The following LRSAM1 variants were observed in gnomAD, a reference collection of about 807,000 sequenced individuals.
The protein encoded by LRSAM1 is E3 ubiquitin-protein ligase LRSAM1.
In LRSAM1, 96 loss-of-function variants were observed where a neutral mutation model predicts 118.1. That is an observed-to-expected ratio of 0.81 (90% CI 0.69 to 0.96). LRSAM1 has a LOEUF of 0.96. Ranked by LOEUF, LRSAM1 falls within the 40% of genes least tolerant of loss-of-function variation. The pLI is 0.00. For synonymous variants in LRSAM1, 322 were observed against 364.2 expected (o/e 0.88, Z 1.32); for missense variants, 804 against 915.5 (o/e 0.88, Z 1.57).
intron 25 of LRSAM1, among the ~76,000 whole-genome samples, chr9:127,502,284 G>T (rs1423425280): frequency 6.6e-6 from 1 of 152,192 alleles, no homozygotes; most frequent in Non-Finnish European, 1.5e-5. Context: ...ACAGCAAACT[G>T]CTAACAGAAG....
intron 4 of LRSAM1, 51 bp from the exon 5 acceptor site, chr9:127,455,525 G>A (rs375537151): frequency 4.3e-5 from 69 of 1,589,780 alleles, no homozygotes; most frequent in Non-Finnish European, 5.7e-5. Context: ...CAGAGAACAA[G>A]CTAAAAACTG....
At position 127,487,715 on chromosome 9, in the gene LRSAM1, G is replaced by C; in HGVS notation, c.1299G>C (p.Ser433=). 6.2e-7 allele frequency: 1 copy of C among 1,613,770 alleles called. No homozygotes were observed. Among genetic ancestry groups the C allele is most frequent in the Non-Finnish European group, 8.5e-7 (1 of 1,179,900 alleles). Residue 433 remains serine, a synonymous_variant, in exon 18 of 26, where the codon TCG becomes TCC. Transcript: ENST00000300417. ...EMDERFQQIL[S]WQQMDQNKAI... is the part of the protein sequence containing the mutation. The stretch of plus-strand genomic sequence containing the variant: ...ATGAACGATTCCAGCAGATTCTGTC[G>C]TGGCAGCAAATGGATCAGAACAAAG...
intron 10 of LRSAM1, among the ~76,000 whole-genome samples, chr9:127,469,949 A>G (rs1835106973): frequency 6.6e-6 from 1 of 152,182 alleles, no homozygotes; most frequent in Non-Finnish European, 1.5e-5. Flanking sequence ...TGGGATACAG[A>G]GCAAGACTCC....
rs143976910 is a variant in LRSAM1 at position 127,483,564 on chromosome 9, G to C, written c.1159+544G>C. 2.2e-3 allele frequency among the ~76,000 whole-genome samples: 333 copies of C among 152,286 alleles called. 4 individuals carry two copies. Among genetic ancestry groups the C allele is most frequent in the East Asian group, 3.7e-3 (19 of 5,188 alleles). ...TAGCATCCCATTAGCATGTTATCAG[G>C]GGGAGTGTTCATAAAAATGGGAAGT... is the stretch of plus-strand genomic sequence containing the variant. On this transcript the variant is annotated intron_variant, in intron 16 of 25. Transcript: ENST00000300417.
chr9:127,486,302 G>T, intron 17 of LRSAM1: 1 of 208,032 alleles, frequency 4.8e-6, no homozygotes, highest in Non-Finnish European at 9.8e-6. Flanking sequence ...CACGGTTGGG[G>T]GTGGGATGCC....
intron 2 of LRSAM1, among the ~76,000 whole-genome samples, chr9:127,453,032 C>T (rs1834381674): frequency 6.6e-6 from 1 of 152,224 alleles, no homozygotes; most frequent in South Asian, 2.1e-4. Flanking sequence ...CCAGGCTGTA[C>T]AGCCAGGCCA....
chr9:127,482,278 G>T (rs1835570740), intron 15 of LRSAM1, among the ~76,000 whole-genome samples: 2 of 151,860 alleles, frequency 1.3e-5, no homozygotes. Flanking sequence ...GAGTAGCTGG[G>T]ATTATAGGCG....
chr9:127,477,380 T>TATATA (rs1250885905), intron 11 of LRSAM1, among the ~76,000 whole-genome samples: 1 of 152,244 alleles, frequency 6.6e-6, no homozygotes, highest in Non-Finnish European at 1.5e-5. Flanking sequence ...AAATCCTATT[T>TATATA]ATAGGTTGCT....
At position 127,472,466 on chromosome 9, in the gene LRSAM1, A is replaced by G. The variant is rs567462703; in HGVS notation, c.620-1335A>G. Among the ~76,000 whole-genome samples the G allele has an allele frequency of 7.9e-5, 12 of 151,618 alleles. No individual in the cohort carries two copies. In the South Asian group the frequency reaches 2.5e-3, roughly 32 times the overall value. ...AGACCACCTTTACCAACATGCGGAA[A>G]CCCTGTCTCTACTAAAAATACAAAA... On this transcript the variant is annotated intron_variant, in intron 10 of 25. Transcript: ENST00000300417.
At chr9:127,452,237 A>G (rs1020842521) in intron 2 of LRSAM1, 153 bp downstream of exon 2, 4 of 152,330 alleles carry the variant, frequency 2.6e-5, no homozygotes, top group Non-Finnish European at 5.9e-5. Flanking sequence ...GGTTGGGAGG[A>G]AGTGGGGAGG....
chr9:127,455,588 G>A lies in LRSAM1; in HGVS notation c.142G>A (p.Ala48Thr). Residue 48 changes from alanine (A) to threonine (T), a missense_variant, in exon 5 of 26, where the codon GCT becomes ACT. Coordinates refer to ENST00000300417, the MANE Select transcript of LRSAM1 (RefSeq NM_001005373.4). ...TATCTTATCTTAGATTCCATTTGGA[G>A]CTTTTGCAACATGCAAAGTTCTGCA... ...KCELSEIPFG[A>T]FATCKVLQKK... 6.2e-7 allele frequency: 1 copy of A among 1,613,992 alleles called. No homozygotes were observed. The highest frequency in any genetic ancestry group is 8.5e-7 in the Non-Finnish European group (1 of 1,180,026).
chr9:127,467,955 C>T (rs1835023739), intron 10 of LRSAM1, 125 bp downstream of exon 10: 11 of 907,242 alleles, frequency 1.2e-5, no homozygotes, highest in East Asian at 2.7e-5. Flanking sequence ...GCTTGGAGTT[C>T]GAGGTCTGGC....
At position 127,473,857 on chromosome 9, in the gene LRSAM1, G is replaced by A. The variant is rs1419447675; in HGVS notation, c.676G>A (p.Asp226Asn). 1.2e-6 allele frequency: 2 copies of A among 1,614,254 alleles called. No homozygotes were observed. Among genetic ancestry groups the A allele is most frequent in the Non-Finnish European group, 1.7e-6 (2 of 1,180,048 alleles). The change falls in exon 11 of 26, where the codon GAT becomes AAT. Residue 226 changes from aspartate (D) to asparagine (N), a missense_variant. Coordinates refer to ENST00000300417, the MANE Select transcript of LRSAM1 (RefSeq NM_001005373.4). ...GTACTTGCTGCCAATTCTGGAGCAA[G>A]ATGGAATCGAGAACTCTCGGGACAG... ...SQYLLPILEQ[D>N]GIENSRDSPD... is the part of the protein sequence containing the mutation.
intron 4 of LRSAM1, among the ~76,000 whole-genome samples, chr9:127,455,359 GC>G (rs1339860596): frequency 2.8e-5 from 4 of 141,688 alleles, no homozygotes; most frequent in Admixed American, 6.9e-5. Flanking sequence ...GGTGGGTGGG[GC>G]AGGGCAGTCT....
chr9:127,481,370 A>G, intron 15 of LRSAM1, 143 bp downstream of exon 15: 1 of 803,774 alleles, frequency 1.2e-6, no homozygotes, highest in Non-Finnish European at 2.0e-6. Context: ...CCCCTGCCTC[A>G]GCCTCCCGAG....
At chr9:127,454,387 C>T in intron 2 of LRSAM1, 109 bp from the exon 3 acceptor site, 1 of 838,328 alleles carries the variant, frequency 1.2e-6, no homozygotes, top group South Asian at 1.4e-5. Flanking sequence ...CTCCATGGAA[C>T]TCATGGTCCA....
intron 24 of LRSAM1, among the ~76,000 whole-genome samples, chr9:127,500,019 C>T (rs1321182541): frequency 2.0e-5 from 3 of 151,574 alleles, no homozygotes; most frequent in Non-Finnish European, 4.4e-5. Context: ...AGGAAGGGAA[C>T]GAGGGATAGA....
At chr9:127,474,304 A>G (rs969012852) in intron 11 of LRSAM1, among the ~76,000 whole-genome samples, 1 of 144,118 alleles carries the variant, frequency 6.9e-6, no homozygotes, top group South Asian at 2.2e-4. Context: ...GTCTTGCTCC[A>G]TCACCCAGGC....
At chr9:127,500,491 T>C (rs1836344355) in intron 24 of LRSAM1, among the ~76,000 whole-genome samples, 1 of 151,914 alleles carries the variant, frequency 6.6e-6, no homozygotes, top group South Asian at 2.1e-4. Flanking sequence ...GGAACAGCCT[T>C]GCGGGGGGCC....
Sources: allele counts gnomAD v4.1 joint callset (sites outside exome capture counted in the v4.1 genomes callset), GRCh38; gene constraint gnomAD v4.1.1; transcripts MANE v1.5; gene names NCBI Gene and HGNC (gene_info 2026-07-23, HGNC 2026-07-21).